DLGAP2: variants seen among roughly 807,000 people sequenced by gnomAD.
DLGAP2 encodes disks large-associated protein 2.
DLGAP2 carries 26 observed loss-of-function variants against 100.3 expected under a neutral mutation model. The ratio of observed to expected loss-of-function variants is 0.26; its 90% CI spans 0.19 to 0.36. The LOEUF (loss-of-function observed/expected upper bound fraction) is 0.36. Among genes scored for constraint, DLGAP2 ranks in the 10% least tolerant of loss-of-function variants. The pLI is 1.00. For missense variants in DLGAP2, 1,858 were observed against 1,453.2 expected (o/e 1.28, Z -4.53); for synonymous variants, 886 against 630.1 (o/e 1.41, Z -6.08).
intron 2 of DLGAP2, among the ~76,000 whole-genome samples, chr8:1,212,310 A>C (rs1798121963): frequency 6.6e-6 from 1 of 152,200 alleles, no homozygotes; most frequent in Non-Finnish European, 1.5e-5. Flanking sequence ...GGAAGAAAAC[A>C]TTAGGAAGGT....
At chr8:1,046,247 G>A (rs1802512726) in intron 2 of DLGAP2, among the ~76,000 whole-genome samples, 1 of 152,066 alleles carries the variant, frequency 6.6e-6, no homozygotes, top group Admixed American at 6.6e-5. Flanking sequence ...CTGTAATTTG[G>A]CATAATGAAA....
At chr8:1,458,174 G>T (rs1015837502) in intron 3 of DLGAP2, among the ~76,000 whole-genome samples, 2 of 151,694 alleles carry the variant, frequency 1.3e-5, no homozygotes, top group Non-Finnish European at 2.9e-5. Context: ...CCAAAGTGCT[G>T]GGATTACAGG....
intron 1 of DLGAP2, among the ~76,000 whole-genome samples, chr8:806,123 C>A (rs1312864238): frequency 6.6e-6 from 1 of 152,198 alleles, no homozygotes; most frequent in East Asian, 1.9e-4. Flanking sequence ...AAAGAAGATG[C>A]CAGGCAGCAA....
chr8:1,357,284 G>A (rs59388145), intron 3 of DLGAP2, among the ~76,000 whole-genome samples: 6,071 of 152,112 alleles, frequency 0.04, 172 homozygotes, highest in East Asian at 0.1. Flanking sequence ...CTTCAGGGCA[G>A]TGCTTCTCTG....
At chr8:1,637,819 C>T (rs1437208940) in intron 8 of DLGAP2, among the ~76,000 whole-genome samples, 1 of 152,162 alleles carries the variant, frequency 6.6e-6, no homozygotes, top group Admixed American at 6.5e-5. Context: ...CCATGGCACA[C>T]CTGCTGGGTG....
chr8:828,373 A>AG (rs1253414405), intron 1 of DLGAP2, among the ~76,000 whole-genome samples: 1 of 152,166 alleles, frequency 6.6e-6, no homozygotes, highest in East Asian at 1.9e-4. Flanking sequence ...TCTCTTTCTC[A>AG]GGGACCTTCC....
At chr8:1,543,887 A>G (rs1801445952) in intron 4 of DLGAP2, among the ~76,000 whole-genome samples, 1 of 151,540 alleles carries the variant, frequency 6.6e-6, no homozygotes, top group Non-Finnish European at 1.5e-5. Flanking sequence ...CAGTGTACGA[A>G]TCTTTCACGT....
At chr8:924,199 C>T (rs1563097451) in intron 2 of DLGAP2, among the ~76,000 whole-genome samples, 1 of 152,242 alleles carries the variant, frequency 6.6e-6, no homozygotes. Flanking sequence ...CTCACAGCCA[C>T]TGCTGATTAT....
chr8:1,214,876 A>G (rs922093782), intron 2 of DLGAP2, among the ~76,000 whole-genome samples: 2 of 152,230 alleles, frequency 1.3e-5, no homozygotes, highest in Non-Finnish European at 2.9e-5. Context: ...TGTTTTCCAC[A>G]TTTGTGGCCA....
At chr8:1,612,503 A>T (rs1472395701) in intron 6 of DLGAP2, among the ~76,000 whole-genome samples, 2 of 145,072 alleles carry the variant, frequency 1.4e-5, no homozygotes, top group African/African-American at 5.2e-5. Context: ...TGTCCAGAAC[A>T]CCAAAAGCAA....
chr8:811,314 C>T (rs1796366022), intron 1 of DLGAP2, among the ~76,000 whole-genome samples: 2 of 152,246 alleles, frequency 1.3e-5, no homozygotes, highest in East Asian at 1.9e-4. Flanking sequence ...CCTGCCAGGG[C>T]TCCTGCCGTG....
intron 1 of DLGAP2, among the ~76,000 whole-genome samples, chr8:874,583 A>G (rs1302073428): frequency 6.6e-6 from 1 of 152,136 alleles, no homozygotes; most frequent in African/African-American, 2.4e-5. Context: ...TGTTATTTGT[A>G]TCATTTTAAA....
intron 1 of DLGAP2, among the ~76,000 whole-genome samples, chr8:872,956 C>G (rs1184008309): frequency 6.6e-6 from 1 of 152,170 alleles, no homozygotes. Flanking sequence ...TGCCTATAAC[C>G]TACACACATC....
At chr8:748,711 C>T (rs1820715183) in intron 1 of DLGAP2, among the ~76,000 whole-genome samples, 1 of 152,222 alleles carries the variant, frequency 6.6e-6, no homozygotes, top group Non-Finnish European at 1.5e-5. Flanking sequence ...AGGTGTTCTG[C>T]ACTGCCCATC....
chr8:1,115,546 C>T (rs75419849), intron 2 of DLGAP2, among the ~76,000 whole-genome samples: 1 of 152,212 alleles, frequency 6.6e-6, no homozygotes, highest in Non-Finnish European at 1.5e-5. Flanking sequence ...GTGCCTAAGA[C>T]AGTGCCTACC....
intron 2 of DLGAP2, among the ~76,000 whole-genome samples, chr8:955,021 T>C (rs900289756): frequency 3.9e-5 from 6 of 152,122 alleles, no homozygotes; most frequent in African/African-American, 1.4e-4. Context: ...CAGAACGGTT[T>C]CATTTTCAGT....
chr8:1,140,855 C>T (rs1274570345), intron 2 of DLGAP2, among the ~76,000 whole-genome samples: 2 of 152,136 alleles, frequency 1.3e-5, no homozygotes, highest in African/African-American at 4.8e-5. Context: ...TGCCTGTAAT[C>T]CCAGCTACTC....
chr8:1,582,601 C>CG (rs1795970277), intron 6 of DLGAP2, among the ~76,000 whole-genome samples: 1 of 151,948 alleles, frequency 6.6e-6, no homozygotes, highest in East Asian at 1.9e-4. Context: ...TTTTCTTTTC[C>CG]CCCGCCAAGA....
intron 2 of DLGAP2, among the ~76,000 whole-genome samples, chr8:919,934 T>C (rs1022316968): frequency 6.6e-6 from 1 of 152,170 alleles, no homozygotes; most frequent in African/African-American, 2.4e-5. Flanking sequence ...TTCCACCCCA[T>C]GTCTATAACT....
Sources: allele counts gnomAD v4.1 joint callset (sites outside exome capture counted in the v4.1 genomes callset), GRCh38; gene constraint gnomAD v4.1.1; transcripts MANE v1.5; gene names NCBI Gene and HGNC (gene_info 2026-07-23, HGNC 2026-07-21).